GRIN2B: variants seen among roughly 807,000 people sequenced by gnomAD.
The protein encoded by GRIN2B is glutamate receptor ionotropic, NMDA 2B.
In GRIN2B, 5 loss-of-function variants were observed where a neutral mutation model predicts 114.5. That is an observed-to-expected ratio of 0.04 (90% CI 0.02 to 0.09). The LOEUF (loss-of-function observed/expected upper bound fraction) is 0.09. Among genes scored for constraint, GRIN2B ranks in the 10% least tolerant of loss-of-function variants. The pLI is 1.00. For synonymous variants in GRIN2B, 787 were observed against 745.1 expected (o/e 1.06, Z -0.92); for missense variants, 1,108 against 1,943.5 (o/e 0.57, Z 8.08).
intron 4 of GRIN2B, among the ~76,000 whole-genome samples, chr12:13,709,109 C>T (rs1467825352): frequency 6.6e-6 from 1 of 151,958 alleles, no homozygotes; most frequent in Non-Finnish European, 1.5e-5. Flanking sequence ...ACTATGAAAC[C>T]TTGATAAAAT....
chr12:13,840,766 T>A (rs1198622806), intron 3 of GRIN2B, among the ~76,000 whole-genome samples: 1 of 152,212 alleles, frequency 6.6e-6, no homozygotes, highest in African/African-American at 2.4e-5. Context: ...TAGCTGACTT[T>A]TATCTTTCGT....
chr12:13,948,363 G>A (rs1321487068), intron 2 of GRIN2B, among the ~76,000 whole-genome samples: 1 of 152,138 alleles, frequency 6.6e-6, no homozygotes. Flanking sequence ...TTAGCCCTCT[G>A]GGGGGACTAA....
chr12:13,682,976 C>T (rs891385675), intron 4 of GRIN2B, among the ~76,000 whole-genome samples: 1 of 152,084 alleles, frequency 6.6e-6, no homozygotes, highest in Admixed American at 6.6e-5. Context: ...AACCTCCCTC[C>T]AGAAAGATGC....
chr12:13,546,612 T>C lies in GRIN2B; in HGVS notation c.*16171A>G, dbSNP rs1207363739. Reference sequence around the variant, plus strand: ...TTTTGTCTGCTTGTCACTGAATCTATTTCCCATTCAACCTTCTGTTTCTCA... The same window carrying C: ...TTTTGTCTGCTTGTCACTGAATCTACTTCCCATTCAACCTTCTGTTTCTCA... On this transcript the variant is annotated 3_prime_UTR_variant, in exon 14 of 14. Coordinates refer to ENST00000609686, the MANE Select transcript of GRIN2B (RefSeq NM_000834.5). 5.3e-5 allele frequency: 8 copies of C among 152,186 alleles called. No individual in the cohort carries two copies. The highest frequency in any genetic ancestry group is 1.9e-4 in the African/African-American group (8 of 41,454). 9.4% of individuals were successfully genotyped at this position (152,186 alleles called of 1,614,324 possible). A position where few individuals can be genotyped will look rare whatever the true frequency, so the allele number is the denominator to read the frequency against.
intron 3 of GRIN2B, among the ~76,000 whole-genome samples, chr12:13,851,159 G>T (rs910766039): frequency 1.3e-5 from 2 of 152,066 alleles, no homozygotes; most frequent in African/African-American, 4.8e-5. Context: ...AATCAATTCT[G>T]GGTTAAGACC....
At chr12:13,607,209 TAA>T (rs1299330753) in intron 10 of GRIN2B, among the ~76,000 whole-genome samples, 26 of 110,104 alleles carry the variant, frequency 2.4e-4, no homozygotes, top group African/African-American at 8.7e-4. Context: ...ATATAATATA[TAA>T]AATATATATA....
At chr12:13,959,951 C>T (rs192453602) in intron 2 of GRIN2B, among the ~76,000 whole-genome samples, 10 of 151,722 alleles carry the variant, frequency 6.6e-5, no homozygotes, top group African/African-American at 1.2e-4. Flanking sequence ...GAGTGGAGGA[C>T]GGAGAAAAAA....
intron 3 of GRIN2B, among the ~76,000 whole-genome samples, chr12:13,783,801 T>C (rs1375761314): frequency 6.6e-6 from 1 of 152,196 alleles, no homozygotes; most frequent in Non-Finnish European, 1.5e-5. Flanking sequence ...CTCTACAATC[T>C]ACCTGCTGGC....
At chr12:13,906,907 A>G (rs1866545404) in intron 2 of GRIN2B, among the ~76,000 whole-genome samples, 1 of 152,220 alleles carries the variant, frequency 6.6e-6, no homozygotes, top group African/African-American at 2.4e-5. Context: ...TACTGAGAAT[A>G]ATGTTTGCAA....
At chr12:13,804,248 C>A (rs113687494) in intron 3 of GRIN2B, among the ~76,000 whole-genome samples, 1 of 149,174 alleles carries the variant, frequency 6.7e-6, no homozygotes, top group African/African-American at 2.5e-5. Context: ...TTTTTTTCAC[C>A]GTACACTGCA....
Position 13,603,968 on chromosome 12 carries a change from T to C in GRIN2B, c.2010+4635A>G, listed in dbSNP as rs146406304. Among the ~76,000 whole-genome samples, 947 of 152,234 alleles carry C rather than the reference T, an allele frequency of 6.2e-3. 11 individuals carry two copies. Among genetic ancestry groups the C allele is most frequent in the African/African-American group, 0.022 (906 of 41,534 alleles). ...CTGTGTGAAGACTATCCAAATAGCA[T>C]ACACAGAGCATACAAAATGTACCTA... On this transcript the variant is annotated intron_variant, in intron 10 of 13. Transcript: ENST00000609686.
chr12:13,783,898 G>C (rs536829667), intron 3 of GRIN2B, among the ~76,000 whole-genome samples: 1 of 152,094 alleles, frequency 6.6e-6, no homozygotes, highest in East Asian at 1.9e-4. Context: ...AGCAGGTCAG[G>C]GAAAGGCAAA....
chr12:13,961,899 G>T (rs1034836923), intron 2 of GRIN2B, among the ~76,000 whole-genome samples: 1 of 152,086 alleles, frequency 6.6e-6, no homozygotes, highest in Admixed American at 6.5e-5. Flanking sequence ...TGAGAGAGGT[G>T]GTGGGAGGGT....
chr12:13,860,758 A>T lies in GRIN2B; in HGVS notation c.411+5040T>A, dbSNP rs187944340. Among the ~76,000 whole-genome samples, 610 of 152,346 alleles carry T rather than the reference A, an allele frequency of 4.0e-3. 12 individuals carry two copies. Among genetic ancestry groups the T allele is most frequent in the Non-Finnish European group, 1.2e-3 (85 of 68,030 alleles). On this transcript the variant is annotated intron_variant, in intron 3 of 13. Transcript: ENST00000609686. ...TAGCTACCATGCTACACCCTGATCA[A>T]CATGTCTATTTCCAGATCCTGACCC...
intron 2 of GRIN2B, among the ~76,000 whole-genome samples, chr12:13,979,337 C>T (rs1863087913): frequency 6.6e-6 from 1 of 152,058 alleles, no homozygotes; most frequent in African/African-American, 2.4e-5. Flanking sequence ...TACCCCTCTG[C>T]AATAGGCCTC....
chr12:13,601,302 C>A (rs1004941005), intron 10 of GRIN2B, among the ~76,000 whole-genome samples: 1 of 152,154 alleles, frequency 6.6e-6, no homozygotes, highest in Admixed American at 6.5e-5. Flanking sequence ...TTGCCTCTTT[C>A]GGCTTCTGGT....
chr12:13,930,409 T>A (rs1051338400), intron 2 of GRIN2B, among the ~76,000 whole-genome samples: 1 of 152,054 alleles, frequency 6.6e-6, no homozygotes, highest in South Asian at 2.1e-4. Context: ...TCAAGGAGGC[T>A]CACAGCTAGA....
At chr12:13,612,267 C>G (rs1407062893) in intron 8 of GRIN2B, among the ~76,000 whole-genome samples, 4 of 152,218 alleles carry the variant, frequency 2.6e-5, no homozygotes, top group Non-Finnish European at 4.4e-5. Context: ...GCTTCTGAAC[C>G]TTGCAGATAC....
chr12:13,906,358 A>G (rs1206128994), intron 2 of GRIN2B, among the ~76,000 whole-genome samples: 1 of 152,212 alleles, frequency 6.6e-6, no homozygotes, highest in Non-Finnish European at 1.5e-5. Flanking sequence ...TGAGCACTAA[A>G]GGGCAATTCT....
Sources: gnomAD v4.1 joint callset for allele counts (sites outside exome capture counted in the v4.1 genomes callset) on GRCh38, gnomAD v4.1.1 for gene constraint, MANE v1.5 for transcripts, NCBI Gene and HGNC (gene_info 2026-07-23, HGNC 2026-07-21) for gene names.